COL26A1: variants seen among roughly 807,000 people sequenced by gnomAD.
COL26A1 encodes the protein collagen type XXVI alpha 1 chain, also known as collagen alpha-1(XXVI) chain.
Under a neutral mutation model 59.3 loss-of-function variants are expected in COL26A1, and 41 were observed. The observed-to-expected ratio is 0.69, with a 90% CI of 0.54 to 0.90. COL26A1 has a LOEUF of 0.90. COL26A1 is among the 40% of genes least tolerant of loss of function. The pLI is 0.00. For missense variants in COL26A1, 612 were observed against 602.3 expected, an observed-to-expected ratio of 1.02 and a Z score of -0.17; for synonymous variants, 266 against 256.0, an observed-to-expected ratio of 1.04 and a Z score of -0.37.
chr7:101,525,429 C>A (rs1368286353), intron 3 of COL26A1, among the ~76,000 whole-genome samples: 1 of 150,932 alleles, frequency 6.6e-6, no homozygotes, highest in Non-Finnish European at 1.5e-5. Context: ...GATCTGCCCT[C>A]CTCAGCCTCC....
chr7:101,475,934 CTT>C (rs1455575684), intron 3 of COL26A1, among the ~76,000 whole-genome samples: 2 of 146,962 alleles, frequency 1.4e-5, no homozygotes, highest in Non-Finnish European at 3.0e-5. Context: ...TTCTCTCTCT[CTT>C]TCTTTCTTCT....
chr7:101,366,638 C>T (rs1479401676), intron 1 of COL26A1, among the ~76,000 whole-genome samples: 1 of 151,622 alleles, frequency 6.6e-6, no homozygotes, highest in African/African-American at 2.4e-5. Context: ...GTAGTTGGGA[C>T]CATAGGCATG....
chr7:101,429,589 CTTT>C (rs58432413), intron 2 of COL26A1, among the ~76,000 whole-genome samples: 147 of 78,674 alleles, frequency 1.9e-3, no homozygotes, highest in Middle Eastern at 0.011. Context: ...TTCTTTTTTA[CTTT>C]TTTTTTTTTT....
intron 3 of COL26A1, among the ~76,000 whole-genome samples, chr7:101,521,632 T>C (rs551867200): frequency 2.3e-4 from 35 of 152,276 alleles, no homozygotes; most frequent in Middle Eastern, 3.4e-3. Context: ...CAGCAGCACA[T>C]AGGGTGACAA....
chr7:101,538,106 CCCTGCG>C (rs1214767121), intron 4 of COL26A1, among the ~76,000 whole-genome samples: 1 of 152,184 alleles, frequency 6.6e-6, no homozygotes, highest in East Asian at 1.9e-4. Context: ...CCTCCAAATC[CCCTGCG>C]CTGGCCATCC....
At chr7:101,441,493 T>TG (rs1793056386) in intron 2 of COL26A1, among the ~76,000 whole-genome samples, 1 of 152,016 alleles carries the variant, frequency 6.6e-6, no homozygotes, top group African/African-American at 2.4e-5. Flanking sequence ...TGTGTGTGTG[T>TG]TTTTAGTAGA....
At chr7:101,480,540 G>T (rs942538922) in intron 3 of COL26A1, among the ~76,000 whole-genome samples, 5 of 151,880 alleles carry the variant, frequency 3.3e-5, no homozygotes, top group Non-Finnish European at 7.4e-5. Context: ...TCACTCTATT[G>T]CCTAGCCTGG....
chr7:101,525,171 CTTTTTTTTTTT>C lies in COL26A1; in HGVS notation c.386-7893_386-7883del, dbSNP rs34881584. 1.4e-4 allele frequency among the ~76,000 whole-genome samples: 10 copies of C among 73,902 alleles called. No individual in the cohort carries two copies. The East Asian group carries it at 1.4e-3, about 11-fold the overall frequency. 48.5% of individuals were successfully genotyped at this position (73,902 alleles called of 152,430 possible). On this transcript the variant is annotated intron_variant, in intron 3 of 12. Coordinates refer to ENST00000313669, the MANE Select transcript of COL26A1 (RefSeq NM_001278563.3). ...TCAGTATCCATAGTTTGACTTCATTCTTTTTTTTTTTTTTTTTTTTTTTTTTTTGAGACAGA... is the reference window on the plus strand; with the variant it reads ...TCAGTATCCATAGTTTGACTTCATTCTTTTTTTTTTTTTTTTTGAGACAGA...
intron 1 of COL26A1, among the ~76,000 whole-genome samples, chr7:101,413,481 C>T (rs1310170237): frequency 4.0e-5 from 6 of 151,286 alleles, no homozygotes; most frequent in East Asian, 1.9e-4. Context: ...ATCATGCCAT[C>T]GCACTCCAGC....
At chr7:101,422,806 A>C (rs981972550) in intron 2 of COL26A1, among the ~76,000 whole-genome samples, 6 of 151,828 alleles carry the variant, frequency 4.0e-5, no homozygotes, top group Non-Finnish European at 8.8e-5. Flanking sequence ...TGCCTCACTA[A>C]TTACTTTTTC....
chr7:101,398,726 T>A (rs1338001348), intron 1 of COL26A1, among the ~76,000 whole-genome samples: 1 of 152,108 alleles, frequency 6.6e-6, no homozygotes, highest in Non-Finnish European at 1.5e-5. Flanking sequence ...CCTCCCCAGT[T>A]ATCACTCCCC....
intron 2 of COL26A1, among the ~76,000 whole-genome samples, chr7:101,429,620 T>G (rs1792733534): frequency 8.0e-6 from 1 of 125,384 alleles, no homozygotes; most frequent in Admixed American, 8.1e-5. Context: ...TGAGACAGGA[T>G]TTTGCTCTGT....
intron 1 of COL26A1, among the ~76,000 whole-genome samples, chr7:101,379,465 C>T (rs1226090578): frequency 3.3e-5 from 5 of 152,288 alleles, no homozygotes; most frequent in East Asian, 3.9e-4. Flanking sequence ...CATTGCCTGC[C>T]TTTCACCCTC....
intron 3 of COL26A1, among the ~76,000 whole-genome samples, chr7:101,504,352 C>T (rs191314293): frequency 6.6e-6 from 1 of 152,266 alleles, no homozygotes; most frequent in East Asian, 1.9e-4. Flanking sequence ...CTGCTCGCCT[C>T]GGCCTCCCAA....
At chr7:101,377,110 C>T (rs1265468085) in intron 1 of COL26A1, among the ~76,000 whole-genome samples, 9 of 152,176 alleles carry the variant, frequency 5.9e-5, no homozygotes, top group Admixed American at 5.2e-4. Context: ...CCGCCTGCCT[C>T]GGCCTCGCAA....
At chr7:101,481,447 A>AAT (rs60951062) in intron 3 of COL26A1, among the ~76,000 whole-genome samples, 4,044 of 143,400 alleles carry the variant, frequency 0.028, 131 homozygotes, top group African/African-American at 0.077. Context: ...AATCTCCCAA[A>AAT]ATATATATAT....
chr7:101,376,092 G>A (rs1490649664), intron 1 of COL26A1, among the ~76,000 whole-genome samples: 1 of 148,422 alleles, frequency 6.7e-6, no homozygotes, highest in Non-Finnish European at 1.5e-5. Flanking sequence ...CTTGAGCCCA[G>A]AAGCATGAGC....
At chr7:101,540,099 G>A in intron 5 of COL26A1, 50 bp downstream of exon 5, 1 of 1,554,630 alleles carries the variant, frequency 6.4e-7, no homozygotes, top group Non-Finnish European at 8.7e-7. Context: ...AAGGGACCTT[G>A]GGCATGGCCT....
At chr7:101,397,926 C>T (rs1005703080) in intron 1 of COL26A1, among the ~76,000 whole-genome samples, 2 of 152,192 alleles carry the variant, frequency 1.3e-5, no homozygotes, top group African/African-American at 2.4e-5. Flanking sequence ...AGAGGGAGAA[C>T]ATTTCCAGCA....
Sources: allele counts gnomAD v4.1 joint callset (sites outside exome capture counted in the v4.1 genomes callset), GRCh38; gene constraint gnomAD v4.1.1; transcripts MANE v1.5; gene names NCBI Gene and HGNC (gene_info 2026-07-23, HGNC 2026-07-21).